Variants in UNC119 observed in about 807,000 individuals in gnomAD.
UNC119 encodes protein unc-119 homolog A.
UNC119 carries 15 observed loss-of-function variants against 22.6 expected under a neutral mutation model. That is an observed-to-expected ratio of 0.66 (90% confidence interval 0.44 to 1.02). The LOEUF (loss-of-function observed/expected upper bound fraction) is 1.02. UNC119 is among the 50% of genes least tolerant of loss of function. The pLI is 0.00. For missense variants in UNC119, 322 were observed against 336.0 expected, an observed-to-expected ratio of 0.96 and a Z score of 0.33; for synonymous variants, 138 against 139.4, an observed-to-expected ratio of 0.99 and a Z score of 0.07.
At chr17:28,547,571 C>T in intron 4 of UNC119, 106 bp downstream of exon 4, 2 of 1,606,188 alleles carry the variant, frequency 1.2e-6, no homozygotes, top group African/African-American at 1.3e-5. Flanking sequence ...CAGAAGAGCC[C>T]CAGGGTGGGG....
intron 1 of UNC119, 180 bp downstream of exon 1, chr17:28,552,158 G>C (rs1031448428): frequency 2.8e-6 from 2 of 704,982 alleles, no homozygotes; most frequent in East Asian, 2.7e-5. Flanking sequence ...TCAAGGGAAG[G>C]GGGTACACAG....
rs1390687252 is a variant in UNC119, at chr17:28,547,816, G to T, written c.471C>A (p.Asn157Lys). The part of the protein sequence containing the change: ...VEFTVGDKPV[N>K]NFRMIERHYF... The stretch of plus-strand genomic sequence containing the variant: ...AGTGCCTCTCGATCATGCGGAAGTT[G>T]TTGACAGGCTTGTCTCCCACTGTGA... Residue 157 changes from asparagine to lysine, a missense_variant, in exon 4 of 5, where the codon AAC (asparagine) becomes AAA (lysine). Physicochemically the swap from Asn to Lys is moderately conservative, Grantham distance 94. Coordinates refer to ENST00000335765, the MANE Select transcript of UNC119 (RefSeq NM_005148.4). 6.2e-7 allele frequency: 1 copy of T among 1,614,196 alleles called. No individual in the cohort carries two copies. Among genetic ancestry groups the T allele is most frequent in the East Asian group, 2.2e-5 (1 of 44,888 alleles).
chr17:28,546,991 AT>A lies in UNC119; in HGVS notation c.*305del, dbSNP rs1353310504. 26 of 386,320 alleles carry A rather than the reference AT, an allele frequency of 6.7e-5. No individual in the cohort carries two copies. Among genetic ancestry groups the A allele is most frequent in the Non-Finnish European group, 1.1e-4 (22 of 200,796 alleles). 23.9% of individuals were successfully genotyped at this position (386,320 alleles called of 1,614,324 possible). The stretch of plus-strand genomic sequence containing the variant: ...GTCACAGCCTTGATAGGGGAACACT[AT>A]TCTGAAACTTGGGCCCAAGTAGGGC... On this transcript the variant is annotated 3_prime_UTR_variant, in exon 5 of 5. Coordinates refer to ENST00000335765, the MANE Select transcript of UNC119 (RefSeq NM_005148.4).
Position 28,547,676 on chromosome 17 carries a change from C to T in UNC119, c.610+1G>A. ...ACTCCCAGAAGACCCTGCCCGCGCA[C>T]TCAGCTCCTCGGAGAGAGGGGGGAA... On this transcript the variant is annotated splice_donor_variant, in intron 4 of 4. Transcript: ENST00000335765. LOFTEE classifies it high-confidence loss of function. 5.0e-6 allele frequency: 8 copies of T among 1,614,222 alleles called. No homozygotes were observed. Among genetic ancestry groups the T allele is most frequent in the Non-Finnish European group, 6.8e-6 (8 of 1,180,040 alleles).
At chr17:28,548,256 C>A in intron 2 of UNC119, 155 bp from the exon 3 acceptor site, 1 of 723,598 alleles carries the variant, frequency 1.4e-6, no homozygotes, top group Non-Finnish European at 2.3e-6. Flanking sequence ...CAAATAGTGC[C>A]ACCTAGGGGT....
chr17:28,548,299 C>A (rs1436125250), intron 2 of UNC119, 198 bp from the exon 3 acceptor site: 1 of 632,512 alleles, frequency 1.6e-6, no homozygotes, highest in African/African-American at 1.8e-5. Context: ...CGCCACTGTG[C>A]TTCCCCGGGC....
intron 1 of UNC119, chr17:28,549,034 G>A (rs756022264): frequency 9.4e-5 from 23 of 244,926 alleles, no homozygotes; most frequent in African/African-American, 1.8e-4. Flanking sequence ...TCTGGCCTCC[G>A]CTCTGCCAAG....
intron 1 of UNC119, chr17:28,551,374 C>G (rs1249276808): frequency 6.6e-6 from 1 of 152,324 alleles, no homozygotes; most frequent in Non-Finnish European, 1.5e-5. Context: ...TCGTTCCCTG[C>G]CTATGATGAC....
In UNC119 at chr17:28,547,182, C is replaced by T. The variant is rs1040198223; in HGVS notation, c.*115G>A. The stretch of plus-strand genomic sequence containing the variant: ...TTCCTCCCAACATTGACTCAGGGTC[C>T]GGAGCTCCTGGAGAACTCCCCAAGC... On this transcript the variant is annotated 3_prime_UTR_variant, in exon 5 of 5. Coordinates refer to ENST00000335765, the MANE Select transcript of UNC119 (RefSeq NM_005148.4). 64 of 1,283,256 alleles carry T rather than the reference C, an allele frequency of 5.0e-5. No individual in the cohort carries two copies. Among genetic ancestry groups the T allele is most frequent in the Non-Finnish European group, 6.8e-5 (62 of 907,904 alleles). 79.5% of individuals were successfully genotyped at this position (1,283,256 alleles called of 1,614,324 possible).
chr17:28,547,754 T>C lies in UNC119; in HGVS notation c.533A>G (p.His178Arg), dbSNP rs923232858. The C allele has an allele frequency of 6.2e-7, 1 of 1,614,184 alleles. No individual in the cohort carries two copies. The highest frequency in any genetic ancestry group is 1.1e-5 in the South Asian group (1 of 91,082). The change falls in exon 4 of 5, where the codon CAC becomes CGC. Residue 178 changes from histidine to arginine, a missense_variant. His to Arg is a conservative substitution (Grantham distance 29). Coordinates refer to ENST00000335765, the MANE Select transcript of UNC119 (RefSeq NM_005148.4). ...GCTGCTGGGGATGCAGAAGCCAAAGTGGAAGTCGAAGCTTTTGAGTAGCTG... is the reference window on the plus strand; with the variant it reads ...GCTGCTGGGGATGCAGAAGCCAAAGCGGAAGTCGAAGCTTTTGAGTAGCTG... ...RNQLLKSFDF[H>R]FGFCIPSSKN...
rs1169796543 is a variant in UNC119, at chr17:28,547,132, G to A, written c.*165C>T. The A allele has an allele frequency of 1.2e-6, 1 of 843,740 alleles. No homozygotes were observed. Among genetic ancestry groups the A allele is most frequent in the East Asian group, 2.8e-5 (1 of 35,982 alleles). 52.3% of individuals were successfully genotyped at this position (843,740 alleles called of 1,614,324 possible). A position where few individuals can be genotyped will look rare whatever the true frequency, so the allele number is the denominator to read the frequency against. On this transcript the variant is annotated 3_prime_UTR_variant, in exon 5 of 5. Coordinates refer to ENST00000335765, the MANE Select transcript of UNC119 (RefSeq NM_005148.4). ...GTAGCAGGCCGCATGGGCTTCATGG[G>A]CTTGACTGGGGACACCAGGTACCCT...
At position 28,548,580 on chromosome 17, in the gene UNC119, C is replaced by G. The variant is rs369445319; in HGVS notation, c.334+12G>C. ...TCTGCCTCCCCATCAATGGCCCACC[C>G]AGCCCACTCACCTGAGACTGGGGGC... is the stretch of plus-strand genomic sequence containing the variant. On this transcript the variant is annotated intron_variant, in intron 2 of 4. Coordinates refer to ENST00000335765, the MANE Select transcript of UNC119 (RefSeq NM_005148.4). 1.1e-5 allele frequency: 17 copies of G among 1,610,464 alleles called. No homozygotes were observed. The highest frequency in any genetic ancestry group is 1.4e-5 in the Non-Finnish European group (16 of 1,176,768).
At position 28,547,165 on chromosome 17, in the gene UNC119, A is replaced by G; in HGVS notation, c.*132T>C. The G allele has an allele frequency of 9.0e-7, 1 of 1,113,458 alleles. No homozygotes were observed. The highest frequency in any genetic ancestry group is 1.3e-6 in the Non-Finnish European group (1 of 759,680). 69.0% of individuals were successfully genotyped at this position (1,113,458 alleles called of 1,614,324 possible). On this transcript the variant is annotated 3_prime_UTR_variant, in exon 5 of 5. Transcript: ENST00000335765. The stretch of plus-strand genomic sequence containing the variant: ...GGGGACACCAGGTACCCTTCCTCCC[A>G]ACATTGACTCAGGGTCCGGAGCTCC...
In UNC119 at chr17:28,547,023, T is replaced by C; in HGVS notation, c.*274A>G. ...AACTTGGGCCCAAGTAGGGCCCAGC[T>C]AAGTTGTCCGGAAGTCCTGACTGCT... On this transcript the variant is annotated 3_prime_UTR_variant, in exon 5 of 5. Coordinates refer to ENST00000335765, the MANE Select transcript of UNC119 (RefSeq NM_005148.4). 4.5e-6 allele frequency: 2 copies of C among 440,384 alleles called. No homozygotes were observed. The highest frequency in any genetic ancestry group is 2.1e-5 in the South Asian group (1 of 48,338). The allele number at this position is 440,384 out of a possible 1,614,324, so 27.3% of individuals were successfully genotyped here.
intron 4 of UNC119, 57 bp downstream of exon 4, chr17:28,547,620 C>T (rs1245112259): frequency 1.9e-6 from 3 of 1,613,814 alleles, no homozygotes; most frequent in Admixed American, 1.7e-5. Context: ...CTCCCTCCCG[C>T]AGCTCAGTCT....
rs773467922 is a variant in UNC119, at chr17:28,552,567, G to C, written c.-10C>G. 7 of 1,507,752 alleles carry C rather than the reference G, an allele frequency of 4.6e-6. No individual in the cohort carries two copies. The South Asian group carries it at 8.6e-5, about 19-fold the overall frequency. The allele number at this position is 1,507,752 out of a possible 1,614,324, so 93.4% of individuals were successfully genotyped here. A position where few individuals can be genotyped will look rare whatever the true frequency, so the allele number is the denominator to read the frequency against. On this transcript the variant is annotated 5_prime_UTR_variant, in exon 1 of 5. Coordinates refer to ENST00000335765, the MANE Select transcript of UNC119 (RefSeq NM_005148.4). ...CCTTCTTCACCTTCATGGCCTTGCG[G>C]GGCCGAGGCTCGCCTGCTGCTGCCG...
chr17:28,548,216 C>T (rs1403970053), intron 2 of UNC119, 115 bp from the exon 3 acceptor site: 42 of 1,079,658 alleles, frequency 3.9e-5, no homozygotes, highest in East Asian at 2.1e-4. Context: ...CAAGAAATTC[C>T]GGGGCACACT....
intron 4 of UNC119, 41 bp from the exon 5 acceptor site, chr17:28,547,450 C>T: frequency 1.2e-6 from 2 of 1,603,168 alleles, no homozygotes; most frequent in East Asian, 2.2e-5. Flanking sequence ...AGGTCAGGAG[C>T]TTGAGTCCCG....
At chr17:28,547,541 T>C in intron 4 of UNC119, 132 bp from the exon 5 acceptor site, 1 of 1,590,598 alleles carries the variant, frequency 6.3e-7, no homozygotes, top group Non-Finnish European at 8.6e-7. Context: ...CTACGGATGA[T>C]ATGGGAATGG....
Sources: allele counts gnomAD v4.1 joint callset, GRCh38; gene constraint gnomAD v4.1.1; transcripts MANE v1.5; gene names NCBI Gene and HGNC (gene_info 2026-07-23, HGNC 2026-07-21).